The following ACCS variants were observed in gnomAD, a reference collection of about 807,000 sequenced individuals.
ACCS encodes 1-aminocyclopropane-1-carboxylate synthase-like protein 1.
In ACCS, 42 loss-of-function variants were observed where a neutral mutation model predicts 59.8. That is an observed-to-expected ratio of 0.70 (90% confidence interval 0.55 to 0.91). ACCS has a LOEUF of 0.91. Among genes scored for constraint, ACCS ranks in the 40% least tolerant of loss-of-function variants. ACCS has a pLI of 0.00. For missense variants in ACCS, 602 were observed against 630.4 expected (o/e 0.95, Z 0.48); for synonymous variants, 230 against 240.3 (o/e 0.96, Z 0.40).
chr11:44,068,871 A>G (rs1348264611), intron 2 of ACCS, among the ~76,000 whole-genome samples: 1 of 152,264 alleles, frequency 6.6e-6, no homozygotes, highest in Non-Finnish European at 1.5e-5. Flanking sequence ...CAAAGTTCTT[A>G]TCCTCATAGA....
intron 6 of ACCS, among the ~76,000 whole-genome samples, chr11:44,076,560 A>G (rs927633453): frequency 8.5e-5 from 13 of 152,262 alleles, no homozygotes; most frequent in African/African-American, 2.9e-4. Flanking sequence ...AATCAATAAC[A>G]GGAACCCTCT....
intron 1 of ACCS, chr11:44,067,335 G>C (rs912004014): frequency 3.1e-6 from 1 of 321,162 alleles, no homozygotes; most frequent in African/African-American, 2.2e-5. Context: ...TGACCCCTTA[G>C]GCTGGAGAGT....
In ACCS at chr11:44,075,534, C is replaced by G; in HGVS notation, c.498C>G (p.Val166=). 3 of 1,614,130 alleles carry G rather than the reference C, an allele frequency of 1.9e-6. No individual in the cohort carries two copies. Among genetic ancestry groups the G allele is most frequent in the Non-Finnish European group, 2.5e-6 (3 of 1,180,016 alleles). Residue 166 remains valine, a synonymous_variant, in exon 6 of 15, where the codon GTC becomes GTG. Transcript: ENST00000263776. Reference sequence around the variant, plus strand: ...GGATATGTCGCCCTTAGGTGGTTGTCCTGAATGGTGGTGCCTCGCTCTTCT... The same window carrying G: ...GGATATGTCGCCCTTAGGTGGTTGTGCTGAATGGTGGTGCCTCGCTCTTCT... The part of the protein sequence containing the change: ...PVPLRPENVV[V]LNGGASLFSA...
intron 2 of ACCS, among the ~76,000 whole-genome samples, chr11:44,069,089 G>T (rs1434240143): frequency 6.6e-6 from 1 of 152,226 alleles, no homozygotes; most frequent in Non-Finnish European, 1.5e-5. Context: ...TGGAAAAAGT[G>T]AGGGATTGTG....
At position 44,081,298 on chromosome 11, in the gene ACCS, G is replaced by T. The variant is rs1953631736; in HGVS notation, c.1089G>T (p.Met363Ile). 1 of 1,614,054 alleles carries T rather than the reference G, an allele frequency of 6.2e-7. No individual in the cohort carries two copies. The highest frequency in any genetic ancestry group is 1.1e-5 in the South Asian group (1 of 91,090). Residue 363 changes from methionine (M) to isoleucine (I), a missense_variant, in exon 12 of 15, where the codon ATG becomes ATT. By Grantham distance (10) the Met-to-Ile change is conservative. Transcript: ENST00000263776. Reference protein sequence around the residue: ...HGLSGLVQYQMAQLLRDRDWI... With the variant: ...HGLSGLVQYQIAQLLRDRDWI... ...TCAGTGGCTTGGTCCAGTACCAGAT[G>T]GCACAGCTGCTCCGGGACCGTGGTG...
At position 44,079,603 on chromosome 11, in the gene ACCS, T is replaced by C; in HGVS notation, c.906T>C (p.Ser302=). 1 of 1,610,794 alleles carries C rather than the reference T, an allele frequency of 6.2e-7. No individual in the cohort carries two copies. The highest frequency in any genetic ancestry group is 8.5e-7 in the Non-Finnish European group (1 of 1,178,816). ...SVFEKSVGYR[S]VLSLERLPDP... is the part of the protein sequence containing the mutation. ...TTGAGAAGTCTGTTGGGTACCGCAG[T>C]GTCCTAAGCCTGGAAAGGTGAGGCT... Residue 302 remains serine, a synonymous_variant, in exon 10 of 15, where the codon AGT becomes AGC. Transcript: ENST00000263776.
At chr11:44,077,761 G>C in intron 7 of ACCS, 84 bp from the exon 8 acceptor site, 1 of 1,538,830 alleles carries the variant, frequency 6.5e-7, no homozygotes, top group South Asian at 1.3e-5. Context: ...GATTACAGGG[G>C]AGGAGAGGCC....
rs144330179 is a variant in ACCS at position 44,079,915 on chromosome 11, G to A, written c.923+295G>A. On this transcript the variant is annotated intron_variant, in intron 10 of 14. Coordinates refer to ENST00000263776, the MANE Select transcript of ACCS (RefSeq NM_032592.4). ...TGCTGTTTCCTTTACCTCCAGAGTC[G>A]CTCCAGTTTTATTCATTCATTCATT... Among the ~76,000 whole-genome samples, 15 of 152,268 alleles carry A rather than the reference G, an allele frequency of 9.9e-5. No homozygotes were observed. In the South Asian group the frequency reaches 1.7e-3, roughly 17 times the overall value.
intron 6 of ACCS, 191 bp downstream of exon 6, chr11:44,075,783 G>A (rs561642995): frequency 1.4e-5 from 9 of 620,838 alleles, no homozygotes; most frequent in Admixed American, 1.2e-4. Flanking sequence ...TTAGTTTGAT[G>A]TCAGGGTCCT....
chr11:44,077,436 G>T, intron 7 of ACCS, 60 bp downstream of exon 7: 1 of 1,606,352 alleles, frequency 6.2e-7, no homozygotes, highest in Non-Finnish European at 8.5e-7. Flanking sequence ...AGTTTCCTGG[G>T]TCTGAATTTG....
Position 44,083,794 on chromosome 11 carries a change from C to A in ACCS, c.*2C>A. 6.2e-7 allele frequency: 1 copy of A among 1,604,534 alleles called. No individual in the cohort carries two copies. The highest frequency in any genetic ancestry group is 8.5e-7 in the Non-Finnish European group (1 of 1,175,412). ...GAGCCAAGTGACCAACGCAGGTGAG[C>A]TGGTCATTGTCTCGTGGCCAGAGGG... is the stretch of plus-strand genomic sequence containing the variant. On this transcript the variant is annotated 3_prime_UTR_variant, in exon 15 of 15. Coordinates refer to ENST00000263776, the MANE Select transcript of ACCS (RefSeq NM_032592.4).
intron 12 of ACCS, among the ~76,000 whole-genome samples, chr11:44,081,856 G>A (rs1369430939): frequency 1.3e-5 from 2 of 152,108 alleles, no homozygotes; most frequent in Non-Finnish European, 2.9e-5. Flanking sequence ...AAAAACAGCA[G>A]AAGCTTCTAA....
At chr11:44,077,171 C>T (rs1407526850) in intron 6 of ACCS, 108 bp from the exon 7 acceptor site, 26 of 1,251,424 alleles carry the variant, frequency 2.1e-5, no homozygotes, top group Non-Finnish European at 2.5e-5. Context: ...ATGCCCCAAA[C>T]GGTCCCCAAA....
At chr11:44,082,713 G>A (rs1953694833) in intron 12 of ACCS, among the ~76,000 whole-genome samples, 1 of 152,126 alleles carries the variant, frequency 6.6e-6, no homozygotes, top group Non-Finnish European at 1.5e-5. Context: ...ATGTACACAT[G>A]TATTAGAATT....
At chr11:44,073,698 C>A (rs948483192) in intron 4 of ACCS, among the ~76,000 whole-genome samples, 181 bp downstream of exon 4, 10 of 152,164 alleles carry the variant, frequency 6.6e-5, no homozygotes, top group African/African-American at 2.4e-4. Context: ...ATGACCTGGC[C>A]CCGAACATCA....
chr11:44,075,693 A>G (rs917292110), intron 6 of ACCS, 101 bp downstream of exon 6: 2 of 1,384,794 alleles, frequency 1.4e-6, no homozygotes, highest in Non-Finnish European at 2.0e-6. Context: ...GCTTTCGGGC[A>G]CAATAGAATA....
intron 10 of ACCS, 71 bp downstream of exon 10, chr11:44,079,691 C>A: frequency 7.0e-7 from 1 of 1,425,826 alleles, no homozygotes; most frequent in South Asian, 1.2e-5. Flanking sequence ...CTTTCTGGCT[C>A]AGCCCACAGG....
At chr11:44,071,440 G>C in intron 3 of ACCS, 125 bp downstream of exon 3, 1 of 1,015,530 alleles carries the variant, frequency 9.8e-7, no homozygotes, top group South Asian at 1.4e-5. Flanking sequence ...GGAGACCCGG[G>C]TTCCAGGCCT....
intron 3 of ACCS, 21 bp downstream of exon 3, chr11:44,071,336 AG>A (rs780708148): frequency 6.2e-7 from 1 of 1,612,492 alleles, no homozygotes. Context: ...GGGCCCCTCT[AG>A]GGGGCATCAC....
Sources: allele counts gnomAD v4.1 joint callset (sites outside exome capture counted in the v4.1 genomes callset), GRCh38; gene constraint gnomAD v4.1.1; transcripts MANE v1.5; gene names NCBI Gene and HGNC (gene_info 2026-07-23, HGNC 2026-07-21).